CYTH1: variants seen among roughly 807,000 people sequenced by gnomAD.
The protein encoded by CYTH1 is cytohesin 1.
In CYTH1, 18 loss-of-function variants were observed where a neutral mutation model predicts 61.8. The observed-to-expected ratio is 0.29, with a 90% CI of 0.20 to 0.43. CYTH1 has a LOEUF of 0.43. Among genes scored for constraint, CYTH1 ranks in the 20% least tolerant of loss-of-function variants. The pLI is 1.00. For missense variants in CYTH1, 336 were observed against 510.5 expected, an observed-to-expected ratio of 0.66 and a Z score of 3.29; for synonymous variants, 174 against 184.3, an observed-to-expected ratio of 0.94 and a Z score of 0.45.
At chr17:78,679,339 G>C (rs966947169) in intron 13 of CYTH1, among the ~76,000 whole-genome samples, 4 of 151,814 alleles carry the variant, frequency 2.6e-5, no homozygotes, top group Non-Finnish European at 5.9e-5. Flanking sequence ...GGGCAAGGCT[G>C]TGCTCTTAGG....
chr17:78,695,672 G>GAATATCAAAC (rs2092931222), intron 10 of CYTH1, among the ~76,000 whole-genome samples: 1 of 152,158 alleles, frequency 6.6e-6, no homozygotes, highest in African/African-American at 2.4e-5. Flanking sequence ...ACGTCAAATT[G>GAATATCAAAC]AATATCAAAC....
chr17:78,680,630 C>T (rs2092750798), intron 12 of CYTH1, among the ~76,000 whole-genome samples: 1 of 152,162 alleles, frequency 6.6e-6, no homozygotes, highest in African/African-American at 2.4e-5. Flanking sequence ...TAACTTCAAG[C>T]CAGTAACATC....
chr17:78,681,138 T>TCTCCCAGGACATGAAGTTCATA, intron 11 of CYTH1, 96 bp from the exon 12 acceptor site: 2 of 1,229,970 alleles, frequency 1.6e-6, no homozygotes, highest in Non-Finnish European at 2.4e-6. Flanking sequence ...TTTCCTGCTT[T>TCTCCCAGGACATGAAGTTCATA]CTCCCAGGAC....
chr17:78,767,611 A>C (rs1365653941), intron 1 of CYTH1, among the ~76,000 whole-genome samples: 1 of 152,214 alleles, frequency 6.6e-6, no homozygotes, highest in Non-Finnish European at 1.5e-5. Flanking sequence ...GGTTGAATAG[A>C]TGAACAAACG....
chr17:78,754,315 TA>T (rs1368894508), intron 1 of CYTH1, among the ~76,000 whole-genome samples: 3 of 152,170 alleles, frequency 2.0e-5, no homozygotes, highest in Non-Finnish European at 4.4e-5. Context: ...CCCTCAATTT[TA>T]AGGAAATAGA....
intron 1 of CYTH1, among the ~76,000 whole-genome samples, chr17:78,716,733 C>T (rs2093184077): frequency 6.6e-6 from 1 of 152,214 alleles, no homozygotes; most frequent in South Asian, 2.1e-4. Flanking sequence ...TTCAAGCCTT[C>T]ATTCTCATGC....
chr17:78,741,405 AC>A (rs753276005), intron 1 of CYTH1, among the ~76,000 whole-genome samples: 270 of 152,278 alleles, frequency 1.8e-3, no homozygotes, highest in African/African-American at 3.1e-3. Flanking sequence ...AGAAAAAAAA[AC>A]GTGAATATTT....
intron 11 of CYTH1, among the ~76,000 whole-genome samples, chr17:78,683,090 T>A (rs2092779897): frequency 6.6e-6 from 1 of 152,244 alleles, no homozygotes. Flanking sequence ...TTCCAACTTT[T>A]CCATTGAGTT....
In CYTH1 at chr17:78,715,878, A is replaced by G. The variant is rs1325645575; in HGVS notation, c.23-6146T>C. On this transcript the variant is annotated intron_variant, in intron 1 of 13. Transcript: ENST00000446868. ...CAACCCAGGCTGGAGAAGCAAAGCTATCTGTTACCAAGGTGAAGGAAGAGC... is the reference window on the plus strand; with the variant it reads ...CAACCCAGGCTGGAGAAGCAAAGCTGTCTGTTACCAAGGTGAAGGAAGAGC... Among the ~76,000 whole-genome samples the G allele has an allele frequency of 2.6e-5, 4 of 152,178 alleles. No homozygotes were observed. In the East Asian group the frequency reaches 7.7e-4, roughly 29 times the overall value.
chr17:78,738,867 G>A (rs906643813), intron 1 of CYTH1, among the ~76,000 whole-genome samples: 1 of 152,176 alleles, frequency 6.6e-6, no homozygotes, highest in African/African-American at 2.4e-5. Flanking sequence ...ATGGTATAGC[G>A]TTTCTCTGGA....
chr17:78,684,292 T>C lies in CYTH1; in HGVS notation c.892-3250A>G, dbSNP rs180679533. On this transcript the variant is annotated intron_variant, in intron 11 of 13. Coordinates refer to ENST00000446868, the MANE Select transcript of CYTH1 (RefSeq NM_004762.6). ...AGGTGCTCACGCTATCCCTCAGTGCTGGAGTGAAAGAAGAATGAGAACCAC... is the reference window on the plus strand; with the variant it reads ...AGGTGCTCACGCTATCCCTCAGTGCCGGAGTGAAAGAAGAATGAGAACCAC... 1.1e-3 allele frequency among the ~76,000 whole-genome samples: 173 copies of C among 152,336 alleles called. 5 individuals carry two copies. Among genetic ancestry groups the C allele is most frequent in the African/African-American group, 3.7e-3 (155 of 41,568 alleles).
intron 1 of CYTH1, among the ~76,000 whole-genome samples, chr17:78,781,401 C>T (rs1285831647): frequency 6.6e-6 from 1 of 152,266 alleles, no homozygotes; most frequent in Non-Finnish European, 1.5e-5. Flanking sequence ...TGGAGGGAGG[C>T]ACCCCTGGCC....
At chr17:78,688,524 C>T (rs1246117595) in intron 11 of CYTH1, among the ~76,000 whole-genome samples, 1 of 152,206 alleles carries the variant, frequency 6.6e-6, no homozygotes, top group Non-Finnish European at 1.5e-5. Flanking sequence ...CCTTTTGAAC[C>T]ACAGCCTCTC....
At chr17:78,677,560 C>T (rs1383460732) in intron 13 of CYTH1, 1 of 161,540 alleles carries the variant, frequency 6.2e-6, no homozygotes, top group African/African-American at 2.4e-5. Flanking sequence ...GCTGTTACCG[C>T]TGACACGCAG....
At chr17:78,730,237 C>T (rs1316469647) in intron 1 of CYTH1, among the ~76,000 whole-genome samples, 1 of 151,942 alleles carries the variant, frequency 6.6e-6, no homozygotes, top group African/African-American at 2.4e-5. Context: ...TCAATAGTCA[C>T]TGACTAGGCC....
At chr17:78,715,336 T>C (rs756441011) in intron 1 of CYTH1, among the ~76,000 whole-genome samples, 1 of 152,310 alleles carries the variant, frequency 6.6e-6, no homozygotes, top group South Asian at 2.1e-4. Context: ...AACAGACTCA[T>C]TTCAGATACA....
intron 13 of CYTH1, 131 bp from the exon 14 acceptor site, chr17:78,676,300 C>A: frequency 1.3e-6 from 1 of 787,316 alleles, no homozygotes; most frequent in Non-Finnish European, 2.0e-6. Flanking sequence ...CTGCAAAGGC[C>A]AAGTTAGCGT....
intron 1 of CYTH1, among the ~76,000 whole-genome samples, chr17:78,778,594 C>T (rs1230333615): frequency 1.9e-4 from 25 of 135,132 alleles, no homozygotes; most frequent in African/African-American, 5.6e-4. Flanking sequence ...ACCAAGATTG[C>T]GTCACTGCAT....
chr17:78,782,162 G>A (rs530745685), intron 1 of CYTH1, 40 bp downstream of exon 1: 14 of 1,349,252 alleles, frequency 1.0e-5, no homozygotes, highest in South Asian at 9.7e-5. Flanking sequence ...GGGACTGGGG[G>A]ACAGCGAGGG....
Sources: allele counts gnomAD v4.1 joint callset (sites outside exome capture counted in the v4.1 genomes callset), GRCh38; gene constraint gnomAD v4.1.1; transcripts MANE v1.5; gene names NCBI Gene and HGNC (gene_info 2026-07-23, HGNC 2026-07-21).